Variants in TMEFF2 observed in about 807,000 individuals in gnomAD.
The protein encoded by TMEFF2 is tomoregulin-2.
In TMEFF2, 28 loss-of-function variants were observed where a neutral mutation model predicts 53.8. The ratio of observed to expected loss-of-function variants is 0.52; its 90% confidence interval spans 0.39 to 0.71. The LOEUF (loss-of-function observed/expected upper bound fraction) is 0.71, where lower values mean the gene tolerates loss of function less well. Ranked by LOEUF, TMEFF2 falls within the 30% of genes least tolerant of loss-of-function variation. The pLI, the probability that TMEFF2 is intolerant of heterozygous loss-of-function variation, is 0.00. For synonymous variants in TMEFF2, 162 were observed against 166.3 expected (o/e 0.97, Z 0.20); for missense variants, 353 against 455.2 (o/e 0.78, Z 2.04).
chr2:192,023,851 A>G (rs1686912560), intron 5 of TMEFF2, among the ~76,000 whole-genome samples: 1 of 152,176 alleles, frequency 6.6e-6, no homozygotes, highest in Non-Finnish European at 1.5e-5. Flanking sequence ...GGGGCAGACT[A>G]TACTCATTGG....
chr2:192,058,156 T>C (rs1687956734), intron 4 of TMEFF2, among the ~76,000 whole-genome samples: 1 of 152,200 alleles, frequency 6.6e-6, no homozygotes, highest in African/African-American at 2.4e-5. Context: ...TATTTAGCAT[T>C]TTCTTATTTC....
intron 4 of TMEFF2, among the ~76,000 whole-genome samples, chr2:192,140,178 A>T (rs1277226818): frequency 3.3e-5 from 5 of 152,210 alleles, no homozygotes; most frequent in African/African-American, 1.2e-4. Context: ...ATAAATGAAA[A>T]ATCTTAGATT....
In TMEFF2 at chr2:191,956,391, A is replaced by G; in HGVS notation, c.746-13T>C. The G allele has an allele frequency of 6.2e-7, 1 of 1,610,332 alleles. No homozygotes were observed. The highest frequency in any genetic ancestry group is 8.5e-7 in the Non-Finnish European group (1 of 1,178,638). On this transcript the variant is annotated splice_polypyrimidine_tract_variant and intron_variant, in intron 7 of 9. Coordinates refer to ENST00000272771, the MANE Select transcript of TMEFF2 (RefSeq NM_016192.4). ...TTGTTAGCATTCTCTGTGAATACAG[A>G]TAAAAGTAAGCACCCCCTGTAAATA...
intron 4 of TMEFF2, among the ~76,000 whole-genome samples, chr2:192,163,329 A>G (rs988410192): frequency 6.6e-6 from 1 of 152,186 alleles, no homozygotes; most frequent in Non-Finnish European, 1.5e-5. Context: ...ATATAATGAA[A>G]GAAATGAAAC....
intron 4 of TMEFF2, among the ~76,000 whole-genome samples, chr2:192,146,219 T>C (rs1690248030): frequency 6.6e-6 from 1 of 152,036 alleles, no homozygotes; most frequent in South Asian, 2.1e-4. Flanking sequence ...AGAAAATGGA[T>C]TATTCTCAGA....
intron 9 of TMEFF2, 98 bp from the exon 10 acceptor site, chr2:191,950,505 A>G (rs749072643): frequency 2.0e-6 from 3 of 1,473,296 alleles, no homozygotes; most frequent in Non-Finnish European, 2.8e-6. Flanking sequence ...GCAAATTATT[A>G]AAATATTTCA....
intron 5 of TMEFF2, chr2:192,031,225 G>A (rs1251828962): frequency 3.9e-5 from 6 of 152,022 alleles, no homozygotes; most frequent in Non-Finnish European, 4.4e-5. Context: ...TTTTACCTGA[G>A]CATTTATTTA....
At chr2:191,986,672 A>C (rs1685983204) in intron 7 of TMEFF2, among the ~76,000 whole-genome samples, 1 of 151,708 alleles carries the variant, frequency 6.6e-6, no homozygotes, top group South Asian at 2.1e-4. Context: ...AGCCTGACCA[A>C]CATGGTAAAA....
chr2:191,992,654 A>T (rs773922495), intron 7 of TMEFF2: 1 of 152,038 alleles, frequency 6.6e-6, no homozygotes, highest in Non-Finnish European at 1.5e-5. Context: ...ATGGCTAAAA[A>T]TTTTTACTTT....
At chr2:192,174,118 C>A (rs1261934281) in intron 4 of TMEFF2, among the ~76,000 whole-genome samples, 2 of 151,718 alleles carry the variant, frequency 1.3e-5, no homozygotes, top group Non-Finnish European at 2.9e-5. Context: ...AGGCAAATCT[C>A]CTGATTCATA....
chr2:191,955,628 G>A (rs1692058810), intron 8 of TMEFF2, among the ~76,000 whole-genome samples: 1 of 147,168 alleles, frequency 6.8e-6, no homozygotes, highest in Non-Finnish European at 1.5e-5. Context: ...CGGGATTACA[G>A]GTGTGAGCCA....
At chr2:192,184,235 AC>A in intron 3 of TMEFF2, 118 bp downstream of exon 3, 1 of 1,269,920 alleles carries the variant, frequency 7.9e-7, no homozygotes. Flanking sequence ...ACAAAACAAT[AC>A]GGCTTGTCTA....
chr2:192,096,672 T>TGTC (rs34561797), intron 4 of TMEFF2, among the ~76,000 whole-genome samples: 3 of 5,178 alleles, frequency 5.8e-4, no homozygotes, highest in Non-Finnish European at 7.8e-4. Flanking sequence ...CTCTCTCTCT[T>TGTC]TTTTTTTTTT....
At chr2:192,166,121 T>C (rs1690760620) in intron 4 of TMEFF2, among the ~76,000 whole-genome samples, 1 of 152,130 alleles carries the variant, frequency 6.6e-6, no homozygotes, top group Admixed American at 6.6e-5. Flanking sequence ...TTTTAACTGT[T>C]GGTTATTTGA....
At chr2:191,955,803 A>T (rs996667971) in intron 8 of TMEFF2, among the ~76,000 whole-genome samples, 16 of 152,042 alleles carry the variant, frequency 1.1e-4, no homozygotes, top group African/African-American at 3.9e-4. Context: ...CAAAACAAGG[A>T]TTGATGATAT....
chr2:192,075,285 T>TTATATATATATATA (rs111733023), intron 4 of TMEFF2, among the ~76,000 whole-genome samples: 1 of 65,754 alleles, frequency 1.5e-5, no homozygotes, highest in African/African-American at 6.2e-5. Context: ...TACAGTACTA[T>TTATATATATATATA]TATATATATA....
At chr2:192,141,288 A>T (rs937161387) in intron 4 of TMEFF2, among the ~76,000 whole-genome samples, 1 of 151,916 alleles carries the variant, frequency 6.6e-6, no homozygotes, top group Non-Finnish European at 1.5e-5. Context: ...TCCTGTCTCT[A>T]CTAAAAATAC....
At chr2:192,177,361 G>A (rs1400062437) in intron 4 of TMEFF2, 1 of 150,946 alleles carries the variant, frequency 6.6e-6, no homozygotes, top group Non-Finnish European at 1.5e-5. Flanking sequence ...TAGGTTTTTA[G>A]GTTTTAGTTA....
intron 6 of TMEFF2, among the ~76,000 whole-genome samples, chr2:191,998,835 T>C (rs1029017230): frequency 1.3e-5 from 2 of 151,958 alleles, no homozygotes; most frequent in African/African-American, 4.8e-5. Flanking sequence ...TTTATGGCAT[T>C]GTGACAATAC....
Sources: gnomAD v4.1 joint callset for allele counts (sites outside exome capture counted in the v4.1 genomes callset) on GRCh38, gnomAD v4.1.1 for gene constraint, MANE v1.5 for transcripts, NCBI Gene and HGNC (gene_info 2026-07-23, HGNC 2026-07-21) for gene names.